DNAJC8: variants seen among roughly 807,000 people sequenced by gnomAD.
DNAJC8 encodes the protein dnaJ homolog subfamily C member 8.
Under a neutral mutation model 43.2 loss-of-function variants are expected in DNAJC8, and 24 were observed. The ratio of observed to expected loss-of-function variants is 0.56; its 90% CI spans 0.40 to 0.78. DNAJC8 has a LOEUF of 0.78. Ranked by LOEUF, DNAJC8 falls within the 30% of genes least tolerant of loss-of-function variation. The pLI, the probability that DNAJC8 is intolerant of heterozygous loss-of-function variation, is 0.00. For missense variants in DNAJC8, 207 were observed against 299.4 expected (o/e 0.69, Z 2.28); for synonymous variants, 83 against 98.0 (o/e 0.85, Z 0.90).
intron 2 of DNAJC8, among the ~76,000 whole-genome samples, chr1:28,222,292 C>T (rs1557712146): frequency 6.6e-6 from 1 of 151,794 alleles, no homozygotes; most frequent in African/African-American, 2.4e-5. Context: ...TCGAGACCAG[C>T]CTGACTAACA....
chr1:28,210,071 T>G lies in DNAJC8; in HGVS notation c.305-5A>C, dbSNP rs750801815. The stretch of plus-strand genomic sequence containing the variant: ...ACTTGTAAGCTTTGTCCACAGCTAA[T>G]GCAAAACATTGAAATTAACTGTTTC... On this transcript the variant is annotated splice_polypyrimidine_tract_variant and splice_region_variant and intron_variant, in intron 4 of 8. Transcript: ENST00000263697. 9.3e-6 allele frequency: 15 copies of G among 1,613,496 alleles called. No homozygotes were observed. The highest frequency in any genetic ancestry group is 1.3e-5 in the Non-Finnish European group (15 of 1,179,514).
At chr1:28,206,191 C>CT (rs968547314) in intron 6 of DNAJC8, among the ~76,000 whole-genome samples, 1 of 150,664 alleles carries the variant, frequency 6.6e-6, no homozygotes, top group Non-Finnish European at 1.5e-5. Flanking sequence ...GACTCTATCT[C>CT]TTTTTTAAAA....
At chr1:28,219,048 A>G (rs1429549875) in intron 2 of DNAJC8, among the ~76,000 whole-genome samples, 2 of 152,226 alleles carry the variant, frequency 1.3e-5, no homozygotes, top group East Asian at 1.9e-4. Context: ...AAAGCCTCTG[A>G]TAAGATTATA....
chr1:28,218,883 C>T (rs1044413471), intron 2 of DNAJC8, among the ~76,000 whole-genome samples: 1 of 152,164 alleles, frequency 6.6e-6, no homozygotes, highest in African/African-American at 2.4e-5. Flanking sequence ...ATAAGATTTA[C>T]AGACGAGGGA....
At chr1:28,229,649 G>A (rs746902696) in intron 1 of DNAJC8, among the ~76,000 whole-genome samples, 80 of 151,702 alleles carry the variant, frequency 5.3e-4, no homozygotes, top group Non-Finnish European at 9.9e-4. Context: ...GTGGCATGGC[G>A]TGTAGTCCCA....
At chr1:28,202,038 C>T (rs148591887) in intron 8 of DNAJC8, among the ~76,000 whole-genome samples, 9,320 of 151,924 alleles carry the variant, frequency 0.061, 317 homozygotes, top group Middle Eastern at 0.092. Context: ...CGCAGTGAGC[C>T]AAGATCACGC....
Position 28,207,885 on chromosome 1 carries a change from G to A in DNAJC8, c.471+457C>T, listed in dbSNP as rs188222774. Among the ~76,000 whole-genome samples the A allele has an allele frequency of 1.6e-3, 244 of 151,820 alleles. 2 individuals carry two copies. The highest frequency in any genetic ancestry group is 5.3e-3 in the African/African-American group (219 of 41,426). ...AGCCTAGCCAACATGATGAAACCCC[G>A]TCTCTACTAAAAATACAAAAAAATT... is the stretch of plus-strand genomic sequence containing the variant. On this transcript the variant is annotated intron_variant, in intron 6 of 8. Transcript: ENST00000263697.
At chr1:28,208,238 G>A in intron 6 of DNAJC8, 104 bp downstream of exon 6, 2 of 694,898 alleles carry the variant, frequency 2.9e-6, no homozygotes, top group East Asian at 3.0e-5. Flanking sequence ...AAATAAATGT[G>A]AAATAGCATA....
At chr1:28,203,868 T>C (rs1347340084) in intron 7 of DNAJC8, 46 bp from the exon 8 acceptor site, 1 of 1,585,108 alleles carries the variant, frequency 6.3e-7, no homozygotes, top group Non-Finnish European at 8.7e-7. Flanking sequence ...ACTTACAGAC[T>C]GAATTAACCA....
intron 2 of DNAJC8, among the ~76,000 whole-genome samples, chr1:28,225,094 T>C (rs1447869745): frequency 6.6e-6 from 1 of 151,304 alleles, no homozygotes; most frequent in African/African-American, 2.4e-5. Context: ...GATGATTATA[T>C]AGTAACAATG....
chr1:28,212,163 A>AT (rs1646814883), intron 3 of DNAJC8, among the ~76,000 whole-genome samples: 1 of 32,396 alleles, frequency 3.1e-5, no homozygotes, highest in South Asian at 8.4e-4. Context: ...CTCAATAAAT[A>AT]AATAAATATA....
intron 6 of DNAJC8, among the ~76,000 whole-genome samples, chr1:28,206,381 C>T: frequency 6.6e-6 from 1 of 151,668 alleles, no homozygotes; most frequent in Admixed American, 6.6e-5. Flanking sequence ...CCCCAAAGCA[C>T]TTGGATTATA....
At chr1:28,218,646 C>T (rs34824533) in intron 2 of DNAJC8, among the ~76,000 whole-genome samples, 3 of 151,812 alleles carry the variant, frequency 2.0e-5, no homozygotes, top group East Asian at 1.9e-4. Context: ...TGGCTCACGC[C>T]TGTAATCCCA....
At chr1:28,227,407 C>CA (rs1190572347) in intron 2 of DNAJC8, among the ~76,000 whole-genome samples, 1,245 of 48,682 alleles carry the variant, frequency 0.026, 14 homozygotes, top group Non-Finnish European at 0.033. Context: ...GACTTCATCT[C>CA]AAAAAAAAAA....
At chr1:28,232,438 TTC>T (rs1468150582) in intron 1 of DNAJC8, among the ~76,000 whole-genome samples, 12 of 152,172 alleles carry the variant, frequency 7.9e-5, no homozygotes, top group Non-Finnish European at 1.8e-4. Flanking sequence ...CCCAAACTAT[TTC>T]ACCTCCCTAA....
intron 5 of DNAJC8, among the ~76,000 whole-genome samples, chr1:28,209,031 C>T (rs945543974): frequency 6.6e-6 from 1 of 152,204 alleles, no homozygotes; most frequent in Non-Finnish European, 1.5e-5. Context: ...ACCCTCTAAG[C>T]TCAGAAAGGC....
At chr1:28,218,474 T>C (rs1646876124) in intron 2 of DNAJC8, among the ~76,000 whole-genome samples, 1 of 151,944 alleles carries the variant, frequency 6.6e-6, no homozygotes, top group African/African-American at 2.4e-5. Flanking sequence ...TGGAGTGCAG[T>C]GGCATAATCA....
In DNAJC8 at chr1:28,206,010, C is replaced by A. The variant is rs1646765880; in HGVS notation, c.472-661G>T. 2.6e-5 allele frequency among the ~76,000 whole-genome samples: 4 copies of A among 152,058 alleles called. No homozygotes were observed. In the South Asian group the frequency reaches 8.3e-4, roughly 32 times the overall value. Reference sequence around the variant, plus strand: ...ACCACCCTGAGCAACATAGTGAGATCCCATCTCTACAAAAAATATTAAAAA... The same window carrying A: ...ACCACCCTGAGCAACATAGTGAGATACCATCTCTACAAAAAATATTAAAAA... On this transcript the variant is annotated intron_variant, in intron 6 of 8. Coordinates refer to ENST00000263697, the MANE Select transcript of DNAJC8 (RefSeq NM_014280.3).
intron 7 of DNAJC8, among the ~76,000 whole-genome samples, chr1:28,204,124 C>T (rs1255046202): frequency 3.9e-5 from 6 of 152,148 alleles, no homozygotes; most frequent in African/African-American, 7.2e-5. Context: ...AAAGCTATGT[C>T]GAGAACACAG....
Sources: gnomAD v4.1 joint callset for allele counts (sites outside exome capture counted in the v4.1 genomes callset) on GRCh38, gnomAD v4.1.1 for gene constraint, MANE v1.5 for transcripts, NCBI Gene and HGNC (gene_info 2026-07-23, HGNC 2026-07-21) for gene names.